The following GKAP1 variants were observed in gnomAD, a reference collection of about 807,000 sequenced individuals.
The protein encoded by GKAP1 is G kinase-anchoring protein 1.
Under a neutral mutation model 56.7 loss-of-function variants are expected in GKAP1, and 31 were observed. The observed-to-expected ratio is 0.55, with a 90% CI of 0.41 to 0.74. GKAP1 has a LOEUF of 0.74. Ranked by LOEUF, GKAP1 falls within the 30% of genes least tolerant of loss-of-function variation. The probability of loss-of-function intolerance (pLI) is 0.00; values close to 1 mark genes in which losing one functional copy is unlikely to be tolerated. For synonymous variants in GKAP1, 151 were observed against 138.6 expected, an observed-to-expected ratio of 1.09 and a Z score of -0.63; for missense variants, 364 against 402.3, an observed-to-expected ratio of 0.90 and a Z score of 0.82.
chr9:83,781,148 A>T (rs1297546667), intron 6 of GKAP1, among the ~76,000 whole-genome samples: 3 of 152,188 alleles, frequency 2.0e-5, no homozygotes, highest in African/African-American at 7.2e-5. Flanking sequence ...GGATCACCTG[A>T]GGCCAGGAGT....
intron 4 of GKAP1, among the ~76,000 whole-genome samples, chr9:83,796,723 T>C (rs936027664): frequency 1.3e-5 from 2 of 152,140 alleles, no homozygotes; most frequent in African/African-American, 4.8e-5. Flanking sequence ...CACCTAGGCC[T>C]CCCAAAGTGC....
chr9:83,805,493 T>C (rs938894325), intron 3 of GKAP1, among the ~76,000 whole-genome samples: 2 of 151,448 alleles, frequency 1.3e-5, no homozygotes, highest in South Asian at 2.1e-4. Flanking sequence ...AAAAAAACCA[T>C]GTAATTAAAT....
intron 2 of GKAP1, among the ~76,000 whole-genome samples, chr9:83,815,289 T>TTG (rs1387101187): frequency 6.6e-6 from 1 of 151,972 alleles, no homozygotes; most frequent in Non-Finnish European, 1.5e-5. Flanking sequence ...TTTTTTCTCT[T>TTG]TGTGTATACA....
At chr9:83,790,258 C>T (rs1944132632) in intron 4 of GKAP1, among the ~76,000 whole-genome samples, 1 of 152,110 alleles carries the variant, frequency 6.6e-6, no homozygotes, top group Non-Finnish European at 1.5e-5. Flanking sequence ...GTAAATTATA[C>T]ATACTTTATG....
chr9:83,783,512 TAA>T (rs1353644697), intron 6 of GKAP1, among the ~76,000 whole-genome samples: 1 of 152,234 alleles, frequency 6.6e-6, no homozygotes, highest in African/African-American at 2.4e-5. Flanking sequence ...TTTCCCACAT[TAA>T]ATATAATGTG....
intron 7 of GKAP1, among the ~76,000 whole-genome samples, chr9:83,773,494 T>G (rs1943798460): frequency 6.6e-6 from 1 of 152,100 alleles, no homozygotes; most frequent in Non-Finnish European, 1.5e-5. Context: ...GGGTGAATTT[T>G]ATAGTATTTA....
intron 7 of GKAP1, among the ~76,000 whole-genome samples, chr9:83,771,648 C>T (rs1275901390): frequency 6.6e-6 from 1 of 152,140 alleles, no homozygotes; most frequent in African/African-American, 2.4e-5. Flanking sequence ...TTATTTCCCC[C>T]CCAAGTAATT....
chr9:83,751,700 G>A (rs1432805884), intron 9 of GKAP1, among the ~76,000 whole-genome samples: 1 of 151,062 alleles, frequency 6.6e-6, no homozygotes, highest in Non-Finnish European at 1.5e-5. Context: ...ATTGTTGAGT[G>A]AATTCATATT....
rs1308373890 is a variant in GKAP1 at position 83,773,990 on chromosome 9, T to C, written c.586-5020A>G. ...TCCTACTTTATTATTACTATTATTA[T>C]TTTGTAGACAGTTTTGCTCTAGGCA... On this transcript the variant is annotated intron_variant, in intron 7 of 12. Coordinates refer to ENST00000376371, the MANE Select transcript of GKAP1 (RefSeq NM_025211.4). 2.6e-5 allele frequency among the ~76,000 whole-genome samples: 4 copies of C among 152,016 alleles called. No individual in the cohort carries two copies. In the East Asian group the frequency reaches 7.8e-4, roughly 30 times the overall value.
chr9:83,779,466 C>A (rs1415301469), intron 7 of GKAP1, among the ~76,000 whole-genome samples: 1 of 77,886 alleles, frequency 1.3e-5, no homozygotes, highest in African/African-American at 3.8e-5. Context: ...CACACACACG[C>A]ACATATACAT....
intron 2 of GKAP1, among the ~76,000 whole-genome samples, chr9:83,816,525 G>C (rs1217488590): frequency 6.6e-6 from 1 of 152,198 alleles, no homozygotes; most frequent in Non-Finnish European, 1.5e-5. Flanking sequence ...TTATAAATCT[G>C]TTGAGAAAAG....
chr9:83,816,031 C>CAAA (rs72114457), intron 2 of GKAP1, among the ~76,000 whole-genome samples: 3,771 of 91,352 alleles, frequency 0.041, 225 homozygotes, highest in African/African-American at 0.12. Flanking sequence ...ATTAAAAATA[C>CAAA]AAAAAAAAAA....
At chr9:83,758,254 A>C (rs151190784) in intron 8 of GKAP1, among the ~76,000 whole-genome samples, 1 of 152,242 alleles carries the variant, frequency 6.6e-6, no homozygotes, top group African/African-American at 2.4e-5. Context: ...TGATCAGTGA[A>C]TATCAAGCCA....
chr9:83,801,372 G>A (rs970503540), intron 3 of GKAP1, among the ~76,000 whole-genome samples: 10 of 148,472 alleles, frequency 6.7e-5, no homozygotes, highest in Admixed American at 4.7e-4. Context: ...ATAAATTTCC[G>A]TTGTTTTAAG....
At chr9:83,784,637 T>C (rs781628539) in intron 6 of GKAP1, 78 bp downstream of exon 6, 81 of 1,025,436 alleles carry the variant, frequency 7.9e-5, no homozygotes, top group Non-Finnish European at 1.0e-4. Flanking sequence ...GTTTAAAAAT[T>C]AGAAAGACAT....
intron 8 of GKAP1, among the ~76,000 whole-genome samples, chr9:83,765,860 A>G (rs114790161): frequency 0.017 from 2,551 of 152,282 alleles, 66 homozygotes; most frequent in African/African-American, 0.059. Flanking sequence ...GGCAGAAGGG[A>G]CTTGCCTTAT....
intron 7 of GKAP1, among the ~76,000 whole-genome samples, chr9:83,779,455 A>T (rs1036778600): frequency 6.4e-5 from 6 of 93,902 alleles, no homozygotes; most frequent in African/African-American, 1.9e-4. Flanking sequence ...ATATACACAC[A>T]CACACACACG....
chr9:83,809,083 T>TA (rs1257736829), intron 2 of GKAP1, among the ~76,000 whole-genome samples: 1 of 152,202 alleles, frequency 6.6e-6, no homozygotes, highest in Non-Finnish European at 1.5e-5. Context: ...TATCAAGACT[T>TA]ACACCTTACA....
At chr9:83,764,328 CA>C in intron 8 of GKAP1, among the ~76,000 whole-genome samples, 1 of 152,192 alleles carries the variant, frequency 6.6e-6, no homozygotes, top group Admixed American at 6.5e-5. Context: ...AAGGGGCTTC[CA>C]CTCTTTGCTC....
Sources: gnomAD v4.1 joint callset for allele counts (sites outside exome capture counted in the v4.1 genomes callset) on GRCh38, gnomAD v4.1.1 for gene constraint, MANE v1.5 for transcripts, NCBI Gene and HGNC (gene_info 2026-07-23, HGNC 2026-07-21) for gene names.